The following LRP1B variants were observed in gnomAD, a reference collection of about 807,000 sequenced individuals.
LRP1B encodes the protein LDL receptor related protein 1B, also known as low-density lipoprotein receptor-related protein 1B.
LRP1B carries 217 observed loss-of-function variants against 556.6 expected under a neutral mutation model. The ratio of observed to expected loss-of-function variants is 0.39; its 90% CI spans 0.35 to 0.44. LRP1B has a LOEUF of 0.44. Ranked by LOEUF, LRP1B falls within the 20% of genes least tolerant of loss-of-function variation. LRP1B has a pLI of 1.00. For missense variants in LRP1B, 5,053 were observed against 5,620.8 expected (o/e 0.90, Z 3.23); for synonymous variants, 2,047 against 1,865.8 (o/e 1.10, Z -2.50).
intron 32 of LRP1B, among the ~76,000 whole-genome samples, chr2:140,786,750 T>G (rs940876599): frequency 2.6e-5 from 4 of 152,170 alleles, no homozygotes; most frequent in Non-Finnish European, 5.9e-5. Flanking sequence ...CATTGTTATA[T>G]TGAGAGACTT....
chr2:141,059,171 T>A, intron 8 of LRP1B, 117 bp from the exon 9 acceptor site: 1 of 631,630 alleles, frequency 1.6e-6, no homozygotes, highest in Non-Finnish European at 2.5e-6. Flanking sequence ...ACCGCAAGGA[T>A]GTTATTTACT....
At chr2:141,310,351 G>A (rs141012019) in intron 3 of LRP1B, among the ~76,000 whole-genome samples, 1 of 152,042 alleles carries the variant, frequency 6.6e-6, no homozygotes. Flanking sequence ...ACATCTCTGG[G>A]CTTCATTTTG....
At chr2:142,089,713 G>A (rs548230710) in intron 1 of LRP1B, among the ~76,000 whole-genome samples, 4 of 152,186 alleles carry the variant, frequency 2.6e-5, no homozygotes, top group African/African-American at 9.6e-5. Context: ...AAAGTAGGGA[G>A]GCAATGAAGA....
rs199853695 is a variant in LRP1B, at chr2:140,444,421, G to T, written c.10203C>A (p.Phe3401Leu). Residue 3401 changes from phenylalanine (F) to leucine (L), a missense_variant, in exon 65 of 91, where the codon TTC (phenylalanine) becomes TTA (leucine). Coordinates refer to ENST00000389484, the MANE Select transcript of LRP1B (RefSeq NM_018557.3). Reference sequence around the variant, plus strand: ...TACATTTCTGGTTCTTGGTACATTTGAATTGACCTGACAGGCAGACATGTG... The same window carrying T: ...TACATTTCTGGTTCTTGGTACATTTTAATTGACCTGACAGGCAGACATGTG... ...CDTHVCLSGQ[F>L]KCTKNQKCIP... 6.2e-7 allele frequency: 1 copy of T among 1,613,952 alleles called. No homozygotes were observed. The highest frequency in any genetic ancestry group is 2.2e-5 in the East Asian group (1 of 44,840).
chr2:141,828,455 A>C (rs530003160), intron 1 of LRP1B, among the ~76,000 whole-genome samples: 1 of 152,300 alleles, frequency 6.6e-6, no homozygotes, highest in African/African-American at 2.4e-5. Context: ...AAAAATACAG[A>C]AACTAAAGGG....
intron 2 of LRP1B, among the ~76,000 whole-genome samples, chr2:141,550,122 T>G (rs1280356746): frequency 6.6e-6 from 1 of 152,242 alleles, no homozygotes; most frequent in African/African-American, 2.4e-5. Flanking sequence ...TTGAAACTTC[T>G]CATTCATCCC....
At chr2:142,052,190 C>T (rs974234984) in intron 1 of LRP1B, among the ~76,000 whole-genome samples, 1 of 151,720 alleles carries the variant, frequency 6.6e-6, no homozygotes, top group East Asian at 1.9e-4. Flanking sequence ...AAAAAAAACT[C>T]AAAAACGTCT....
intron 3 of LRP1B, among the ~76,000 whole-genome samples, chr2:141,364,270 A>AACACACACAC (rs35479321): frequency 1.2e-3 from 173 of 148,730 alleles, no homozygotes; most frequent in African/African-American, 3.5e-3. Context: ...TGGAGGAAAT[A>AACACACACAC]ACACACACAC....
chr2:140,714,445 C>T (rs1687141457), intron 37 of LRP1B, among the ~76,000 whole-genome samples: 1 of 152,000 alleles, frequency 6.6e-6, no homozygotes, highest in Non-Finnish European at 1.5e-5. Context: ...GGGATATCAG[C>T]TTAAGGGTCT....
intron 1 of LRP1B, among the ~76,000 whole-genome samples, chr2:142,113,935 T>G (rs1707095701): frequency 6.6e-6 from 1 of 152,074 alleles, no homozygotes. Context: ...AACAATGCCC[T>G]TTACCAATGA....
intron 3 of LRP1B, among the ~76,000 whole-genome samples, chr2:141,465,314 G>A (rs187959464): frequency 6.6e-6 from 1 of 152,008 alleles, no homozygotes; most frequent in Admixed American, 6.6e-5. Context: ...GGAGTGTGAG[G>A]GGAGAGAAAA....
At chr2:141,929,799 G>T (rs778281843) in intron 1 of LRP1B, among the ~76,000 whole-genome samples, 1 of 150,756 alleles carries the variant, frequency 6.6e-6, no homozygotes, top group Non-Finnish European at 1.5e-5. Flanking sequence ...CACAAATACT[G>T]GTGTTTGCAT....
Position 141,858,992 on chromosome 2 carries a change from T to A in LRP1B, c.83-48591A>T, listed in dbSNP as rs768891404. On this transcript the variant is annotated intron_variant, in intron 1 of 90. Coordinates refer to ENST00000389484, the MANE Select transcript of LRP1B (RefSeq NM_018557.3). The stretch of plus-strand genomic sequence containing the variant: ...CAGGAAAAGCCCCTGGAATACTTTC[T>A]AGCAAGGCCATCAGTCATTTAAGGT... Among the ~76,000 whole-genome samples the A allele has an allele frequency of 6.2e-3, 951 of 152,288 alleles. 7 individuals are homozygous for A. The highest frequency in any genetic ancestry group is 9.1e-3 in the Non-Finnish European group (622 of 68,010).
intron 41 of LRP1B, among the ~76,000 whole-genome samples, chr2:140,664,659 G>A (rs985436224): frequency 1.4e-4 from 22 of 151,990 alleles, no homozygotes; most frequent in African/African-American, 5.3e-4. Context: ...AGGAACTTTT[G>A]AGAAATAGAC....
intron 83 of LRP1B, among the ~76,000 whole-genome samples, chr2:140,298,259 C>T (rs996241149): frequency 6.6e-6 from 1 of 152,054 alleles, no homozygotes; most frequent in Admixed American, 6.6e-5. Flanking sequence ...TAAAGTACTT[C>T]TTATTTTTAC....
chr2:141,862,479 G>A (rs1191486488), intron 1 of LRP1B, among the ~76,000 whole-genome samples: 3 of 151,984 alleles, frequency 2.0e-5, no homozygotes, highest in South Asian at 2.1e-4. Flanking sequence ...TACAAATCTC[G>A]GCTCACGGCA....
intron 1 of LRP1B, among the ~76,000 whole-genome samples, chr2:141,897,642 G>A (rs904122364): frequency 2.6e-5 from 4 of 152,054 alleles, no homozygotes; most frequent in African/African-American, 9.7e-5. Flanking sequence ...ATCAGAAATG[G>A]CATACATATC....
intron 27 of LRP1B, among the ~76,000 whole-genome samples, chr2:140,866,855 TAGA>T (rs1692968047): frequency 1.3e-5 from 2 of 152,154 alleles, no homozygotes; most frequent in South Asian, 4.1e-4. Flanking sequence ...GCCAATGAGT[TAGA>T]AGGTCTGCTT....
At chr2:140,395,069 T>G (rs986796677) in intron 66 of LRP1B, among the ~76,000 whole-genome samples, 1 of 152,222 alleles carries the variant, frequency 6.6e-6, no homozygotes, top group Admixed American at 6.5e-5. Flanking sequence ...TAGTTTGTGT[T>G]GGATTTCTGT....
Sources: allele counts gnomAD v4.1 joint callset (sites outside exome capture counted in the v4.1 genomes callset), GRCh38; gene constraint gnomAD v4.1.1; transcripts MANE v1.5; gene names NCBI Gene and HGNC (gene_info 2026-07-23, HGNC 2026-07-21).